Variants in XKR9 observed in about 807,000 individuals in gnomAD.
The protein encoded by XKR9 is XK related 9, also known as XK-related protein 9.
In XKR9, 32 loss-of-function variants were observed where a neutral mutation model predicts 32.0. The observed-to-expected ratio is 1.00, with a 90% CI of 0.76 to 1.34. The LOEUF is 1.34. XKR9 is among the 40% of genes most tolerant of loss of function. XKR9 has a pLI of 0.00. For synonymous variants in XKR9, 168 were observed against 143.4 expected (o/e 1.17, Z -1.22); for missense variants, 546 against 429.7 (o/e 1.27, Z -2.39).
chr8:70,768,033 C>A (rs1807401958), intron 2 of XKR9, among the ~76,000 whole-genome samples: 1 of 152,190 alleles, frequency 6.6e-6, no homozygotes, highest in South Asian at 2.1e-4. Flanking sequence ...GATTTTAGAT[C>A]TTTCCTGCTT....
intron 4 of XKR9, among the ~76,000 whole-genome samples, chr8:70,733,423 T>G (rs1234217201): frequency 2.6e-5 from 4 of 152,112 alleles, no homozygotes; most frequent in Non-Finnish European, 5.9e-5. Context: ...ACTAGGATTA[T>G]AACTGTAGTC....
At chr8:70,670,416 A>G (rs558044605) in intron 1 of XKR9, among the ~76,000 whole-genome samples, 18 of 152,368 alleles carry the variant, frequency 1.2e-4, no homozygotes, top group Non-Finnish European at 2.1e-4. Flanking sequence ...AAGAAAATAC[A>G]CAGATCCTGT....
chr8:70,885,599 A>ATT, the XKR9 span, among the ~76,000 whole-genome samples: 13 of 146,392 alleles, frequency 8.9e-5, no homozygotes, highest in African/African-American at 2.5e-4. Context: ...CTGGTGTGTG[A>ATT]TTTTTTTTTT....
chr8:70,736,418 G>A (rs1023034976), downstream of XKR9, among the ~76,000 whole-genome samples: 6 of 152,040 alleles, frequency 3.9e-5, no homozygotes, highest in African/African-American at 1.2e-4. Flanking sequence ...TTTGTAGGTT[G>A]CCTGTTCACT....
the XKR9 span, among the ~76,000 whole-genome samples, chr8:71,041,152 C>T: frequency 6.6e-6 from 1 of 152,082 alleles, no homozygotes; most frequent in Non-Finnish European, 1.5e-5. Context: ...TTGCTGATAT[C>T]AAGACAACCA....
the XKR9 span, among the ~76,000 whole-genome samples, chr8:70,879,705 A>G: frequency 6.6e-6 from 1 of 152,160 alleles, no homozygotes; most frequent in African/African-American, 2.4e-5. Flanking sequence ...GACCAGATGG[A>G]TTAACAGCTG....
the XKR9 span, among the ~76,000 whole-genome samples, chr8:70,886,384 A>G: frequency 6.6e-6 from 1 of 152,218 alleles, no homozygotes; most frequent in Admixed American, 6.5e-5. Context: ...AGAATGATTT[A>G]TAATCTTTGG....
chr8:70,704,099 G>A (rs548009446), intron 3 of XKR9, among the ~76,000 whole-genome samples: 88 of 152,148 alleles, frequency 5.8e-4, no homozygotes, highest in African/African-American at 1.9e-3. Context: ...GGAGAATGGT[G>A]TGAACCCGGG....
At chr8:70,699,549 T>C (rs1805434169) in intron 3 of XKR9, among the ~76,000 whole-genome samples, 1 of 152,216 alleles carries the variant, frequency 6.6e-6, no homozygotes, top group Admixed American at 6.5e-5. Flanking sequence ...TGCTGAGAGA[T>C]CTGCTGTTAG....
the XKR9 span, among the ~76,000 whole-genome samples, chr8:70,799,906 G>A: frequency 6.6e-6 from 1 of 152,254 alleles, no homozygotes; most frequent in Admixed American, 6.5e-5. Context: ...ATGTTGAATA[G>A]GAGTGGTGAA....
intron 4 of XKR9, among the ~76,000 whole-genome samples, chr8:70,707,607 GGTT>G (rs113175928): frequency 0.4 from 60,779 of 151,372 alleles, 13,713 homozygotes; most frequent in Non-Finnish European, 0.52. Flanking sequence ...TGTTAATTTA[GGTT>G]GTTTCTTATA....
the XKR9 span, among the ~76,000 whole-genome samples, chr8:70,845,789 C>T: frequency 1.3e-4 from 19 of 151,926 alleles, no homozygotes; most frequent in African/African-American, 4.6e-4. Flanking sequence ...AAAACCAAAG[C>T]CCATGTGACA....
At chr8:70,754,241 A>G (rs1253160779) in intron 2 of XKR9, among the ~76,000 whole-genome samples, 1 of 148,002 alleles carries the variant, frequency 6.8e-6, no homozygotes, top group African/African-American at 2.4e-5. Context: ...AGAGCTACAG[A>G]CCACTGCTCA....
In XKR9 at chr8:70,770,579, G is replaced by A. The variant is rs549689090; in HGVS notation, n.353-18760G>A. 3.9e-5 allele frequency among the ~76,000 whole-genome samples: 6 copies of A among 152,000 alleles called. No homozygotes were observed. The East Asian group carries it at 1.2e-3, about 29-fold the overall frequency. On this transcript the variant is annotated intron_variant and non_coding_transcript_variant, in intron 2 of 3. Transcript: ENST00000520273. ...ACTTTTATCTGTAAGCCCCTGACTG[G>A]GGCTGCTGTCTTCCTTTCAGAGAGG...
chr8:70,767,385 G>C (rs1274028137), intron 2 of XKR9, among the ~76,000 whole-genome samples: 1 of 151,788 alleles, frequency 6.6e-6, no homozygotes, highest in Non-Finnish European at 1.5e-5. Flanking sequence ...ATTTATTTGC[G>C]TAGAGGTGTT....
At chr8:70,682,750 A>G (rs1319836325) in intron 3 of XKR9, among the ~76,000 whole-genome samples, 1 of 152,188 alleles carries the variant, frequency 6.6e-6, no homozygotes, top group African/African-American at 2.4e-5. Flanking sequence ...ACTACCAGAA[A>G]GCCTGTTTTG....
the XKR9 span, among the ~76,000 whole-genome samples, chr8:70,921,633 G>A: frequency 6.6e-6 from 1 of 152,096 alleles, no homozygotes; most frequent in African/African-American, 2.4e-5. Context: ...TGAAAAGGAA[G>A]AACCAAAAAT....
the XKR9 span, among the ~76,000 whole-genome samples, chr8:70,928,083 A>G: frequency 1.3e-5 from 2 of 152,146 alleles, no homozygotes; most frequent in African/African-American, 4.8e-5. Flanking sequence ...TGCTCTGTCA[A>G]CCAAGCTGGA....
chr8:70,740,845 A>G (rs922149367), downstream of XKR9, among the ~76,000 whole-genome samples: 1 of 152,204 alleles, frequency 6.6e-6, no homozygotes, highest in South Asian at 2.1e-4. Context: ...TCAGAGGAGT[A>G]CCTGGCCGTG....
Sources: gnomAD v4.1 joint callset for allele counts (sites outside exome capture counted in the v4.1 genomes callset) on GRCh38, gnomAD v4.1.1 for gene constraint, MANE v1.5 for transcripts, NCBI Gene and HGNC (gene_info 2026-07-23, HGNC 2026-07-21) for gene names.